Variants in CCDC7 observed in about 807,000 individuals in gnomAD.
The protein encoded by CCDC7 is coiled-coil domain containing 7.
Under a neutral mutation model 196.9 loss-of-function variants are expected in CCDC7, and 183 were observed. The ratio of observed to expected loss-of-function variants is 0.93; its 90% confidence interval spans 0.82 to 1.05. The LOEUF is 1.05. CCDC7 is among the 50% of genes least tolerant of loss of function. The pLI, the probability that CCDC7 is intolerant of heterozygous loss-of-function variation, is 0.00. For missense variants in CCDC7, 1,540 were observed against 1,482.2 expected, an observed-to-expected ratio of 1.04 and a Z score of -0.64; for synonymous variants, 525 against 484.6, an observed-to-expected ratio of 1.08 and a Z score of -1.10.
At chr10:32,736,074 T>C (rs2084816423) in intron 28 of CCDC7, among the ~76,000 whole-genome samples, 2 of 152,328 alleles carry the variant, frequency 1.3e-5, no homozygotes, top group South Asian at 4.1e-4. Context: ...GCTACAGGAA[T>C]TTTTAAAGTT....
At chr10:32,554,658 A>G (rs2054063002) in intron 13 of CCDC7, among the ~76,000 whole-genome samples, 1 of 152,348 alleles carries the variant, frequency 6.6e-6, no homozygotes, top group Non-Finnish European at 1.5e-5. Flanking sequence ...GGGCACTCAC[A>G]GTATTTGGGG....
At chr10:32,871,517 G>A (rs2136820953) in intron 41 of CCDC7, among the ~76,000 whole-genome samples, 1 of 150,158 alleles carries the variant, frequency 6.7e-6, no homozygotes, top group Non-Finnish European at 1.5e-5. Context: ...CTTGCTAGCG[G>A]TCTGTCAATT....
At chr10:32,459,098 T>C (rs796149822) in intron 3 of CCDC7, among the ~76,000 whole-genome samples, 5 of 152,190 alleles carry the variant, frequency 3.3e-5, no homozygotes, top group African/African-American at 1.2e-4. Flanking sequence ...TTTCAGCTAG[T>C]ATATAAACAT....
At chr10:32,768,146 G>A (rs1326879806) in intron 28 of CCDC7, among the ~76,000 whole-genome samples, 1 of 152,040 alleles carries the variant, frequency 6.6e-6, no homozygotes, top group Non-Finnish European at 1.5e-5. Context: ...TTACAAGTAT[G>A]TATTTAGTAC....
chr10:32,841,827 G>A (rs1264202973), intron 33 of CCDC7, among the ~76,000 whole-genome samples: 4 of 151,964 alleles, frequency 2.6e-5, no homozygotes, highest in Non-Finnish European at 4.4e-5. Context: ...ACAGATCTTC[G>A]ACAAAACAAA....
At chr10:32,755,686 G>A (rs2076317911) in intron 28 of CCDC7, among the ~76,000 whole-genome samples, 3 of 152,112 alleles carry the variant, frequency 2.0e-5, no homozygotes, top group Admixed American at 6.6e-5. Context: ...CTAAAAATCA[G>A]ACTGCCTCTT....
rs114845084 is a variant in CCDC7, at chr10:32,651,162, A to T, written c.2015-12892A>T. ...GGAGATCTCCCCTGCCAGCTCACAC[A>T]TCCATGTGGGAGTGAGTTCCCCTGC... On this transcript the variant is annotated intron_variant, in intron 20 of 41. Transcript: ENST00000639629. Among the ~76,000 whole-genome samples, 581 of 152,186 alleles carry T rather than the reference A, an allele frequency of 3.8e-3. 4 individuals are homozygous for T. Among genetic ancestry groups the T allele is most frequent in the African/African-American group, 0.013 (554 of 41,528 alleles).
chr10:32,655,104 G>T (rs186192287), intron 20 of CCDC7, among the ~76,000 whole-genome samples: 35 of 152,222 alleles, frequency 2.3e-4, no homozygotes, highest in African/African-American at 8.2e-4. Context: ...TCAAATAGTG[G>T]TTATTCTCTA....
intron 22 of CCDC7, among the ~76,000 whole-genome samples, chr10:32,882,431 C>T (rs761827574): frequency 6.6e-6 from 1 of 151,946 alleles, no homozygotes; most frequent in Non-Finnish European, 1.5e-5. Flanking sequence ...GAGAAGAGGG[C>T]GTAGAGAAGC....
At chr10:32,622,775 T>C (rs1366771145) in intron 18 of CCDC7, among the ~76,000 whole-genome samples, 2 of 152,094 alleles carry the variant, frequency 1.3e-5, no homozygotes, top group African/African-American at 4.8e-5. Context: ...CACCTCCAGT[T>C]GAGAACTACT....
chr10:32,817,608 A>C (rs1447782922), intron 31 of CCDC7, among the ~76,000 whole-genome samples: 1 of 152,256 alleles, frequency 6.6e-6, no homozygotes, highest in East Asian at 1.9e-4. Flanking sequence ...TTACCCACAA[A>C]GGGAAGCCCA....
At position 32,578,967 on chromosome 10, in the gene CCDC7, T is replaced by G. The variant is rs76392541; in HGVS notation, c.1455-4067T>G. On this transcript the variant is annotated intron_variant, in intron 16 of 41. Transcript: ENST00000639629. ...TCACAGTCATCAGTGTGATATAATA[T>G]CTGGAGATTCTAGCAATGCACATTT... Among the ~76,000 whole-genome samples, 54 of 152,316 alleles carry G rather than the reference T, an allele frequency of 3.5e-4. No homozygotes were observed. The East Asian group carries it at 6.9e-3, about 20-fold the overall frequency.
At chr10:32,603,529 T>C (rs902008301) in intron 18 of CCDC7, among the ~76,000 whole-genome samples, 3 of 121,982 alleles carry the variant, frequency 2.5e-5, no homozygotes, top group African/African-American at 8.7e-5. Context: ...CTCTATAATG[T>C]TTTTTTTAAT....
intron 9 of CCDC7, among the ~76,000 whole-genome samples, chr10:32,494,830 A>G (rs1296784106): frequency 6.6e-6 from 1 of 152,194 alleles, no homozygotes; most frequent in African/African-American, 2.4e-5. Context: ...AGTCTTTGCC[A>G]TTGTGAACAG....
At chr10:32,860,471 A>G (rs2136460169) in intron 41 of CCDC7, among the ~76,000 whole-genome samples, 1 of 152,358 alleles carries the variant, frequency 6.6e-6, no homozygotes, top group African/African-American at 2.4e-5. Context: ...TGAATGGGCA[A>G]AAACTGGAAG....
upstream of CCDC7, among the ~76,000 whole-genome samples, chr10:32,449,091 A>T (rs1295884296): frequency 6.6e-6 from 1 of 152,074 alleles, no homozygotes; most frequent in Non-Finnish European, 1.5e-5. Context: ...TACCTGTTTC[A>T]TATGGCTGAT....
At chr10:32,635,841 CTT>C (rs2065542794) in intron 20 of CCDC7, among the ~76,000 whole-genome samples, 1 of 151,530 alleles carries the variant, frequency 6.6e-6, no homozygotes, top group Non-Finnish European at 1.5e-5. Context: ...ATATTTTTGT[CTT>C]TTAATTAGCT....
chr10:32,600,398 A>G (rs1258941174), intron 18 of CCDC7, among the ~76,000 whole-genome samples: 1 of 151,782 alleles, frequency 6.6e-6, no homozygotes, highest in African/African-American at 2.4e-5. Context: ...TGATTTGTGT[A>G]CACTGATTTT....
intron 16 of CCDC7, among the ~76,000 whole-genome samples, chr10:32,572,367 C>T (rs908890550): frequency 1.3e-5 from 2 of 152,072 alleles, no homozygotes; most frequent in Non-Finnish European, 2.9e-5. Context: ...ACTAGTGAGT[C>T]TCTTTGATTA....
Sources: gnomAD v4.1 joint callset for allele counts (sites outside exome capture counted in the v4.1 genomes callset) on GRCh38, gnomAD v4.1.1 for gene constraint, MANE v1.5 for transcripts, NCBI Gene and HGNC (gene_info 2026-07-23, HGNC 2026-07-21) for gene names.